The following NEK1 variants were observed in gnomAD, a reference collection of about 807,000 sequenced individuals.
NEK1 encodes NIMA related kinase 1.
Under a neutral mutation model 182.1 loss-of-function variants are expected in NEK1, and 137 were observed. The observed-to-expected ratio is 0.75, with a 90% CI of 0.65 to 0.87. The LOEUF is 0.87. NEK1 is among the 40% of genes least tolerant of loss of function. The pLI, the probability that NEK1 is intolerant of heterozygous loss-of-function variation, is 0.00. For synonymous variants in NEK1, 513 were observed against 492.2 expected, an observed-to-expected ratio of 1.04 and a Z score of -0.56; for missense variants, 1,391 against 1,494.4, an observed-to-expected ratio of 0.93 and a Z score of 1.14.
intron 18 of NEK1, among the ~76,000 whole-genome samples, 176 bp from the exon 19 acceptor site, chr4:169,538,087 T>G (rs1758797342): frequency 6.6e-6 from 1 of 152,128 alleles, no homozygotes; most frequent in African/African-American, 2.4e-5. Context: ...TAAATCACAT[T>G]CTTTATTATT....
chr4:169,483,432 T>G lies in NEK1; in HGVS notation c.2008-3898A>C, dbSNP rs188818019. 3.3e-5 allele frequency among the ~76,000 whole-genome samples: 5 copies of G among 152,284 alleles called. No individual in the cohort carries two copies. The East Asian group carries it at 9.6e-4, about 29-fold the overall frequency. ...GCTTGATGCAGGGTTGCCACAAACC[T>G]TCAATTTGTAAAAAATGCAGTATTT... On this transcript the variant is annotated intron_variant, in intron 23 of 35. Transcript: ENST00000507142.
At position 169,507,086 on chromosome 4, in the gene NEK1, C is replaced by A; in HGVS notation, c.1958G>T (p.Arg653Leu). 1.2e-6 allele frequency: 2 copies of A among 1,608,834 alleles called. No homozygotes were observed. The highest frequency in any genetic ancestry group is 1.7e-6 in the Non-Finnish European group (2 of 1,177,790). ...RAAVLKEQLE[R>L]KRKEAYEREK... ...TCTCTCATAAGCCTCCTTTCTCTTTCGTTCTAGTTGTTCTTTTAGTACAGC... is the reference window on the plus strand; with the variant it reads ...TCTCTCATAAGCCTCCTTTCTCTTTAGTTCTAGTTGTTCTTTTAGTACAGC... The change falls in exon 23 of 36, where the codon CGA (arginine) becomes CTA (leucine). Residue 653 changes from arginine (R) to leucine (L), a missense_variant. Physicochemically the swap from Arg to Leu is moderately radical, Grantham distance 102 (BLOSUM62 -2). Around this residue, in one of 5 missense-constraint regions of NEK1, gnomAD observed 1,216 missense variants for 1,277.6 expected, o/e 0.95. Coordinates refer to ENST00000507142, the MANE Select transcript of NEK1 (RefSeq NM_001199397.3).
At chr4:169,497,452 G>C (rs892661726) in intron 23 of NEK1, among the ~76,000 whole-genome samples, 3 of 152,050 alleles carry the variant, frequency 2.0e-5, no homozygotes, top group African/African-American at 7.2e-5. Flanking sequence ...GCTAGCTTTT[G>C]AATGTGTTTG....
chr4:169,596,996 C>T (rs1769617888), intron 5 of NEK1, among the ~76,000 whole-genome samples: 1 of 152,112 alleles, frequency 6.6e-6, no homozygotes. Flanking sequence ...TACACACACA[C>T]ACCACATTAT....
chr4:169,505,559 C>T (rs140775069), intron 23 of NEK1, among the ~76,000 whole-genome samples: 261 of 152,286 alleles, frequency 1.7e-3, no homozygotes, highest in African/African-American at 6.1e-3. Flanking sequence ...GTAAAGACTA[C>T]GGGGAGTCAA....
At chr4:169,426,750 ATC>A (rs1366458301) in intron 29 of NEK1, among the ~76,000 whole-genome samples, 1 of 152,204 alleles carries the variant, frequency 6.6e-6, no homozygotes, top group Non-Finnish European at 1.5e-5. Context: ...TGAAGCAGAG[ATC>A]TATATAAACT....
chr4:169,452,498 T>G (rs147397671), intron 27 of NEK1, among the ~76,000 whole-genome samples: 31 of 152,146 alleles, frequency 2.0e-4, no homozygotes, highest in Non-Finnish European at 3.4e-4. Flanking sequence ...GGGATGCAAG[T>G]CTGGTTCAAC....
chr4:169,507,788 T>A lies in NEK1; in HGVS notation c.1838A>T (p.Glu613Val), dbSNP rs771905564. The change falls in exon 22 of 36, where the codon GAA (glutamate) becomes GTA (valine). Residue 613 changes from glutamate (E) to valine (V), a missense_variant. By Grantham distance (121) the Glu-to-Val change is moderately radical. Around this residue, in one of 5 missense-constraint regions of NEK1, gnomAD observed 1,216 missense variants for 1,277.6 expected, o/e 0.95. Coordinates refer to ENST00000507142, the MANE Select transcript of NEK1 (RefSeq NM_001199397.3). ...TTCTTGTCCTTCAGAATGATTAGCT[T>A]CTTTCTACAAAATAAGTAGATAAGC... The part of the protein sequence containing the change: ...IKAKLRGEKK[E>V]ANHSEGQEGS... 1.2e-6 allele frequency: 2 copies of A among 1,612,158 alleles called. No homozygotes were observed. The highest frequency in any genetic ancestry group is 2.2e-5 in the South Asian group (2 of 91,018).
chr4:169,501,180 G>T (rs1243070248), intron 23 of NEK1, among the ~76,000 whole-genome samples: 1 of 152,080 alleles, frequency 6.6e-6, no homozygotes, highest in Non-Finnish European at 1.5e-5. Flanking sequence ...ATGATAAAAG[G>T]TTCAATTAAA....
At chr4:169,585,029 T>C (rs1767299411) in intron 10 of NEK1, among the ~76,000 whole-genome samples, 1 of 152,126 alleles carries the variant, frequency 6.6e-6, no homozygotes, top group Admixed American at 6.5e-5. Context: ...AAAAAAAATT[T>C]TTTTTTAATA....
Position 169,426,149 on chromosome 4 carries a change from T to C in NEK1, c.2971A>G (p.Ile991Val). The C allele has an allele frequency of 1.2e-6, 2 of 1,611,568 alleles. No individual in the cohort carries two copies. The highest frequency in any genetic ancestry group is 2.2e-5 in the East Asian group (1 of 44,838). ...AGACTAATGCAATGATGCTTACCTA[T>C]ATGAATGTCACTAAGTTGGTCCACA... ...STVDQLSDIH[I>V]EPGTNDSQHS... The change falls in exon 30 of 36, where the codon ATA becomes GTA. Residue 991 changes from isoleucine (I) to valine (V), a missense_variant. Ile to Val is a conservative substitution (Grantham distance 29, BLOSUM62 3). Transcript: ENST00000507142.
At chr4:169,528,520 C>T (rs1469121844) in intron 19 of NEK1, among the ~76,000 whole-genome samples, 3 of 152,176 alleles carry the variant, frequency 2.0e-5, no homozygotes, top group Non-Finnish European at 4.4e-5. Context: ...GACCATATTA[C>T]AGTCTTGTGA....
At position 169,585,358 on chromosome 4, in the gene NEK1, G is replaced by C. The variant is rs764462213; in HGVS notation, c.798C>G (p.Leu266=). The C allele has an allele frequency of 3.1e-6, 5 of 1,612,804 alleles. No homozygotes were observed. The highest frequency in any genetic ancestry group is 8.5e-7 in the Non-Finnish European group (1 of 1,179,204). ...GFIAKRIEKF[L]SPQLIAEEFC... is the part of the protein sequence containing the mutation. ...AGGAAAAAGAACTTACCTGAGGAGAGAGAAACTTTTCAATGCGTTTGGCTA... is the reference window on the plus strand; with the variant it reads ...AGGAAAAAGAACTTACCTGAGGAGACAGAAACTTTTCAATGCGTTTGGCTA... The change falls in exon 10 of 36, where the codon CTC becomes CTG. Residue 266 remains leucine, a synonymous_variant. Coordinates refer to ENST00000507142, the MANE Select transcript of NEK1 (RefSeq NM_001199397.3).
chr4:169,600,702 T>A (rs1275471413), intron 4 of NEK1, among the ~76,000 whole-genome samples: 4 of 152,096 alleles, frequency 2.6e-5, no homozygotes, highest in Non-Finnish European at 5.9e-5. Flanking sequence ...TGAAAAAAAC[T>A]CCTGAAAACT....
chr4:169,598,871 T>C (rs1304111825), intron 5 of NEK1, among the ~76,000 whole-genome samples: 2 of 152,164 alleles, frequency 1.3e-5, no homozygotes, highest in Non-Finnish European at 2.9e-5. Context: ...ATGATATATA[T>C]AACATACATC....
intron 23 of NEK1, among the ~76,000 whole-genome samples, chr4:169,496,736 G>A (rs527630589): frequency 1.3e-5 from 2 of 151,942 alleles, no homozygotes; most frequent in East Asian, 3.9e-4. Context: ...AACCAGCCTT[G>A]CATCCCAGGG....
At chr4:169,467,994 A>G (rs1437873754) in intron 26 of NEK1, among the ~76,000 whole-genome samples, 3 of 151,946 alleles carry the variant, frequency 2.0e-5, no homozygotes, top group Non-Finnish European at 2.9e-5. Flanking sequence ...GATTAAGAGG[A>G]AAAAAAAGGA....
intron 19 of NEK1, among the ~76,000 whole-genome samples, chr4:169,510,474 T>A (rs1484154825): frequency 1.3e-5 from 2 of 152,184 alleles, no homozygotes; most frequent in Non-Finnish European, 2.9e-5. Context: ...TATCTCCTAA[T>A]AATTCTATAA....
intron 23 of NEK1, among the ~76,000 whole-genome samples, chr4:169,498,125 T>C (rs1185454765): frequency 1.3e-5 from 2 of 152,362 alleles, no homozygotes; most frequent in South Asian, 2.1e-4. Flanking sequence ...GATAGTTAGC[T>C]CTTCTTGTTG....
Sources: gnomAD v4.1 joint callset for allele counts (sites outside exome capture counted in the v4.1 genomes callset) on GRCh38, gnomAD v4.1.1 for gene constraint, gnomAD v4.1.1 regional missense constraint, MANE v1.5 for transcripts, NCBI Gene and HGNC (gene_info 2026-07-23, HGNC 2026-07-21) for gene names.